The following GRM7 variants were observed in gnomAD, a reference collection of about 807,000 sequenced individuals.
GRM7 encodes the protein glutamate metabotropic receptor 7.
A neutral mutation model predicts 84.5 loss-of-function variants in GRM7; 35 were observed. The ratio of observed to expected loss-of-function variants is 0.41; its 90% CI spans 0.32 to 0.55. GRM7 has a LOEUF of 0.55. Among genes scored for constraint, GRM7 ranks in the 20% least tolerant of loss-of-function variants. GRM7 has a pLI of 0.19. For synonymous variants in GRM7, 487 were observed against 455.1 expected (o/e 1.07, Z -0.89); for missense variants, 1,003 against 1,194.6 (o/e 0.84, Z 2.36).
At chr3:7,567,209 C>A (rs1228773714) in intron 7 of GRM7, among the ~76,000 whole-genome samples, 2 of 152,120 alleles carry the variant, frequency 1.3e-5, no homozygotes, top group Non-Finnish European at 2.9e-5. Flanking sequence ...AGCCTAGAGA[C>A]CCTCCTGACT....
chr3:7,291,574 T>C (rs1699629608), intron 2 of GRM7, among the ~76,000 whole-genome samples: 1 of 147,738 alleles, frequency 6.8e-6, no homozygotes, highest in African/African-American at 2.5e-5. Context: ...GTCTGTCTAT[T>C]TTTACCAAGG....
At chr3:7,375,653 C>T (rs2125123020) in intron 4 of GRM7, among the ~76,000 whole-genome samples, 1 of 152,232 alleles carries the variant, frequency 6.6e-6, no homozygotes, top group South Asian at 2.1e-4. Context: ...CTGCACTTTT[C>T]TCTTTTGCTC....
In GRM7 at chr3:7,188,599, G is replaced by T. The variant is rs1390117060; in HGVS notation, c.736+41931G>T. Among the ~76,000 whole-genome samples the T allele has an allele frequency of 3.3e-5, 5 of 152,144 alleles. No homozygotes were observed. Among genetic ancestry groups the T allele is most frequent in the Non-Finnish European group, 5.9e-5 (4 of 68,032 alleles). ...AAAGATGTAAGGAATAATGAGAAAA[G>T]ATATTGGAATAAAGGATCTACTTGA... On this transcript the variant is annotated intron_variant, in intron 2 of 9. Transcript: ENST00000357716. The surrounding 1 kb of genome is among the most constrained non-coding windows in gnomAD (Gnocchi z 4.2).
At chr3:7,502,418 C>G (rs1699911049) in intron 7 of GRM7, among the ~76,000 whole-genome samples, 1 of 152,154 alleles carries the variant, frequency 6.6e-6, no homozygotes, top group Non-Finnish European at 1.5e-5. Context: ...TGTTTTCTCT[C>G]CCTAGGTCTC....
At chr3:7,645,278 G>A (rs1228892541) in intron 8 of GRM7, among the ~76,000 whole-genome samples, 1 of 152,134 alleles carries the variant, frequency 6.6e-6, no homozygotes. Flanking sequence ...GCTGGGCACA[G>A]TGGCTCACGC....
chr3:6,972,630 G>T (rs1693803909), intron 1 of GRM7, among the ~76,000 whole-genome samples: 1 of 152,234 alleles, frequency 6.6e-6, no homozygotes, highest in African/African-American at 2.4e-5. Context: ...GAGGAAGCAG[G>T]ATTGCGGTGA....
chr3:7,348,686 G>A (rs909899345), intron 4 of GRM7, among the ~76,000 whole-genome samples: 3 of 151,910 alleles, frequency 2.0e-5, no homozygotes, highest in East Asian at 1.9e-4. Flanking sequence ...CAGCAATATC[G>A]GCATCACCTG....
chr3:7,605,474 A>C (rs796948804), intron 8 of GRM7, among the ~76,000 whole-genome samples: 5 of 152,320 alleles, frequency 3.3e-5, no homozygotes, highest in African/African-American at 1.2e-4. Context: ...TATACGATTT[A>C]TACAAATAGT....
intron 1 of GRM7, among the ~76,000 whole-genome samples, chr3:6,954,505 A>G (rs1345300895): frequency 6.6e-6 from 1 of 152,202 alleles, no homozygotes; most frequent in Non-Finnish European, 1.5e-5. Flanking sequence ...AACACCTGTA[A>G]CTGAATCCCC....
intron 8 of GRM7, among the ~76,000 whole-genome samples, chr3:7,603,846 C>T (rs1696437492): frequency 1.3e-5 from 2 of 152,012 alleles, no homozygotes; most frequent in African/African-American, 4.8e-5. Flanking sequence ...AATGAGAACA[C>T]AGGAGGATGT....
intron 9 of GRM7, among the ~76,000 whole-genome samples, chr3:7,737,113 A>G (rs1246519414): frequency 6.6e-6 from 1 of 152,212 alleles, no homozygotes; most frequent in African/African-American, 2.4e-5. Flanking sequence ...GTAAGACAAA[A>G]AAGCTCAGAG....
chr3:7,456,167 T>A (rs1341109764), intron 6 of GRM7, among the ~76,000 whole-genome samples: 1 of 152,110 alleles, frequency 6.6e-6, no homozygotes, highest in Non-Finnish European at 1.5e-5. Flanking sequence ...GGATTTTTTA[T>A]TCTGGTTCAT....
At chr3:7,399,242 C>T (rs1695346046) in intron 4 of GRM7, among the ~76,000 whole-genome samples, 1 of 151,888 alleles carries the variant, frequency 6.6e-6, no homozygotes, top group Non-Finnish European at 1.5e-5. Flanking sequence ...CTGGAATCCA[C>T]CCTCTACCTT....
chr3:7,298,735 G>C lies in GRM7; in HGVS notation c.788G>C (p.Arg263Thr), dbSNP rs376730962. Residue 263 changes from arginine (R) to threonine (T), a missense_variant, in exon 3 of 10, where the codon AGG becomes ACG. This residue lies in a region of GRM7 where 910 missense variants were observed against 1,126.0 expected (regional missense o/e 0.81). Coordinates refer to ENST00000357716, the MANE Select transcript of GRM7 (RefSeq NM_000844.4). ...AGAATCCCCCAGGAACGCAAAGACA[G>C]GACCATTGACTTTGATAGAATTATC... The part of the protein sequence containing the change: ...SVRIPQERKD[R>T]TIDFDRIIKQ... The C allele has an allele frequency of 6.2e-7, 1 of 1,612,904 alleles. No individual in the cohort carries two copies.
intron 2 of GRM7, among the ~76,000 whole-genome samples, chr3:7,261,902 C>CCCCCTCCCTCCCTTCCTCCCTTCCT (rs1553639165): frequency 3.6e-5 from 3 of 82,852 alleles, no homozygotes; most frequent in Non-Finnish European, 6.7e-5. Flanking sequence ...CCCTCCCTCC[C>CCCCCTCCCTCCCTTCCTCCCTTCCT]TCCCTCCCTC....
intron 2 of GRM7, among the ~76,000 whole-genome samples, chr3:7,271,060 A>G (rs1698834575): frequency 6.6e-6 from 1 of 152,198 alleles, no homozygotes; most frequent in Admixed American, 6.5e-5. Context: ...ACATAATTAG[A>G]TACTAGTACA....
intron 1 of GRM7, among the ~76,000 whole-genome samples, chr3:7,014,609 C>T (rs763462509): frequency 6.6e-6 from 1 of 152,148 alleles, no homozygotes; most frequent in Admixed American, 6.6e-5. Flanking sequence ...AGCCACCACA[C>T]CTGGCCATAA....
chr3:7,103,810 CTTTCTT>C (rs879395305), intron 1 of GRM7, among the ~76,000 whole-genome samples: 1,290 of 101,714 alleles, frequency 0.013, 63 homozygotes, highest in African/African-American at 0.038. Context: ...TTCTTTCTTT[CTTTCTT>C]TCTCTCTCTC....
At chr3:7,642,916 C>A (rs1452030515) in intron 8 of GRM7, among the ~76,000 whole-genome samples, 1 of 152,032 alleles carries the variant, frequency 6.6e-6, no homozygotes, top group East Asian at 1.9e-4. Flanking sequence ...CAATTGTTAT[C>A]TACAAGCAGA....
Sources: gnomAD v4.1 joint callset for allele counts (sites outside exome capture counted in the v4.1 genomes callset) on GRCh38, gnomAD v4.1.1 for gene constraint, gnomAD v4.1.1 regional missense constraint, Gnocchi (gnomAD v3.1) non-coding constraint, MANE v1.5 for transcripts, NCBI Gene and HGNC (gene_info 2026-07-23, HGNC 2026-07-21) for gene names.